ZNF208: variants seen among roughly 807,000 people sequenced by gnomAD.
ZNF208 encodes zinc finger protein 208, also known as zinc finger protein 95.
A neutral mutation model predicts 12.1 loss-of-function variants in ZNF208; 10 were observed. That is an observed-to-expected ratio of 0.83 (90% CI 0.51 to 1.40). The LOEUF is 1.40. Among genes scored for constraint, ZNF208 ranks in the 40% most tolerant of loss-of-function variants. The pLI is 0.00. For synonymous variants in ZNF208, 497 were observed against 488.4 expected (o/e 1.02, Z -0.23); for missense variants, 1,652 against 1,485.0 (o/e 1.11, Z -1.85).
chr19:21,947,363 G>A (rs1204305370), intron 4 of ZNF208, among the ~76,000 whole-genome samples: 1 of 152,016 alleles, frequency 6.6e-6, no homozygotes, highest in Non-Finnish European at 1.5e-5. Context: ...TTGTTCTGGG[G>A]CATATGCTAT....
chr19:21,973,328 C>G lies in ZNF208; in HGVS notation c.1706G>C (p.Ser569Thr), dbSNP rs769973421. The G allele has an allele frequency of 1.9e-6, 3 of 1,605,154 alleles. No homozygotes were observed. Among genetic ancestry groups the G allele is most frequent in the South Asian group, 2.2e-5 (2 of 90,676 alleles). Residue 569 changes from serine (S) to threonine (T), a missense_variant, in exon 4 of 4, where the codon AGT becomes ACT. Physicochemically the swap from Ser to Thr is moderately conservative, Grantham distance 58. This residue lies in a region of ZNF208 where 1,239 missense variants were observed against 1,086.2 expected (regional missense o/e 1.14). Transcript: ENST00000397126. ...TACAGTATGAATTTTCTTATGATAA[C>G]TAAGGGTTGAGGACCACTTATAGGC... ...GKAYKWSSTL[S>T]YHKKIHTVEK...
intron 4 of ZNF208, among the ~76,000 whole-genome samples, chr19:21,955,031 T>A (rs1207775440): frequency 2.6e-5 from 4 of 152,216 alleles, no homozygotes; most frequent in African/African-American, 9.6e-5. Context: ...GGCCTGGTGG[T>A]GACAAAATCT....
rs1480123242 is a variant in ZNF208, at chr19:21,972,345, C to G, written c.2689G>C (p.Gly897Arg). ...GTAAGGATGGAGAACATACTAAAACCTTTGCCACATTCTTCACATTTGTAG... is the reference window on the plus strand; with the variant it reads ...GTAAGGATGGAGAACATACTAAAACGTTTGCCACATTCTTCACATTTGTAG... ...KPYKCEECGK[G>R]FSMFSILTKH... Residue 897 changes from glycine (G) to arginine (R), a missense_variant, in exon 4 of 4, where the codon GGT becomes CGT. Coordinates refer to ENST00000397126, the MANE Select transcript of ZNF208 (RefSeq NM_007153.3). 6.2e-7 allele frequency: 1 copy of G among 1,612,534 alleles called. No individual in the cohort carries two copies. Among genetic ancestry groups the G allele is most frequent in the Non-Finnish European group, 8.5e-7 (1 of 1,179,226 alleles).
chr19:21,972,292 C>G lies in ZNF208; in HGVS notation c.2742G>C (p.Glu914Asp), dbSNP rs764137023. Residue 914 changes from glutamate (E) to aspartate (D), a missense_variant, in exon 4 of 4, where the codon GAG becomes GAC. Coordinates refer to ENST00000397126, the MANE Select transcript of ZNF208 (RefSeq NM_007153.3). The part of the protein sequence containing the change: ...LTKHEVIHTG[E>D]KPYKCEECGK... ...CACATTCTTCACATTTGTAGGGTTTCTCTCCAGTATGAATTACCTCATGTT... is the reference window on the plus strand; with the variant it reads ...CACATTCTTCACATTTGTAGGGTTTGTCTCCAGTATGAATTACCTCATGTT... 6.2e-7 allele frequency: 1 copy of G among 1,613,692 alleles called. No individual in the cohort carries two copies. The highest frequency in any genetic ancestry group is 1.1e-5 in the South Asian group (1 of 91,010).
At position 21,988,763 on chromosome 19, in the gene ZNF208, C is replaced by A. The variant is rs201635385; in HGVS notation, c.130+20G>T. 1.3e-5 allele frequency: 21 copies of A among 1,602,084 alleles called. 1 individual carries two copies. The East Asian group carries it at 4.1e-4, about 31-fold the overall frequency. ...AACCTGTAGTGTATACTAGGAATTG[C>A]GTATTAAAGTTATTCTCACCCAGGA... On this transcript the variant is annotated intron_variant, in intron 2 of 3. Transcript: ENST00000397126.
chr19:21,977,131 T>C (rs780416501), intron 3 of ZNF208, among the ~76,000 whole-genome samples: 17 of 152,184 alleles, frequency 1.1e-4, no homozygotes, highest in Non-Finnish European at 2.2e-4. Context: ...TGTGAAAACG[T>C]TGAATACGTG....
At chr19:21,950,131 T>C (rs1969868217) in intron 4 of ZNF208, among the ~76,000 whole-genome samples, 1 of 152,212 alleles carries the variant, frequency 6.6e-6, no homozygotes, top group South Asian at 2.1e-4. Context: ...ATTTTTAAAG[T>C]GTACTCAACT....
At chr19:21,996,413 GTTTAA>G (rs1970836551) in intron 1 of ZNF208, among the ~76,000 whole-genome samples, 2 of 152,106 alleles carry the variant, frequency 1.3e-5, no homozygotes, top group Admixed American at 6.5e-5. Context: ...AGAATTATTA[GTTTAA>G]TTTATAGCTA....
chr19:21,980,003 G>A (rs1244046758), intron 3 of ZNF208, among the ~76,000 whole-genome samples: 3 of 151,776 alleles, frequency 2.0e-5, no homozygotes, highest in Non-Finnish European at 2.9e-5. Flanking sequence ...ATGGTAAAGG[G>A]ATCAATGCAA....
At chr19:21,994,994 C>T (rs1367032801) in intron 1 of ZNF208, among the ~76,000 whole-genome samples, 11 of 149,974 alleles carry the variant, frequency 7.3e-5, no homozygotes, top group South Asian at 2.1e-4. Flanking sequence ...CTTTGTTGCC[C>T]GGGCTGTGGT....
chr19:21,964,380 C>T (rs1272949644), downstream of ZNF208, among the ~76,000 whole-genome samples: 1 of 151,586 alleles, frequency 6.6e-6, no homozygotes, highest in African/African-American at 2.4e-5. Flanking sequence ...AAGACAGACT[C>T]TAAAGCAACT....
At chr19:21,994,129 T>C (rs1970787684) in intron 1 of ZNF208, among the ~76,000 whole-genome samples, 2 of 152,186 alleles carry the variant, frequency 1.3e-5, no homozygotes, top group Non-Finnish European at 2.9e-5. Context: ...ATGAAAGGGA[T>C]ACAGATGGAA....
chr19:21,960,014 G>A (rs1970038809), intron 4 of ZNF208, among the ~76,000 whole-genome samples: 1 of 151,944 alleles, frequency 6.6e-6, no homozygotes, highest in Non-Finnish European at 1.5e-5. Flanking sequence ...TAGCTTTTCT[G>A]GTAATACAGC....
chr19:21,960,906 C>T (rs1970055913), intron 4 of ZNF208, among the ~76,000 whole-genome samples: 1 of 152,156 alleles, frequency 6.6e-6, no homozygotes, highest in Non-Finnish European at 1.5e-5. Flanking sequence ...AAGAAAGCAA[C>T]CCTATTCAGT....
chr19:21,957,193 C>G (rs547881978), intron 4 of ZNF208, among the ~76,000 whole-genome samples: 7 of 152,242 alleles, frequency 4.6e-5, no homozygotes, highest in African/African-American at 1.7e-4. Context: ...GCATGCACCA[C>G]CATGGCCAGC....
chr19:21,946,194 T>C (rs1969813530), intron 4 of ZNF208, among the ~76,000 whole-genome samples: 1 of 152,204 alleles, frequency 6.6e-6, no homozygotes, highest in African/African-American at 2.4e-5. Flanking sequence ...GAGTCTGGTA[T>C]TTATAAATTA....
At position 22,005,218 on chromosome 19, in the gene ZNF208, G is replaced by A. The variant is rs192630003; in HGVS notation, c.3+5574C>T. On this transcript the variant is annotated intron_variant, in intron 1 of 3. Coordinates refer to ENST00000397126, the MANE Select transcript of ZNF208 (RefSeq NM_007153.3). ...TCCTGAGGGTGGTGCCTTGTCCAGAGAGGAGTGTGGACACATCAATGTCAA... is the reference window on the plus strand; with the variant it reads ...TCCTGAGGGTGGTGCCTTGTCCAGAAAGGAGTGTGGACACATCAATGTCAA... Among the ~76,000 whole-genome samples the A allele has an allele frequency of 1.4e-4, 21 of 152,320 alleles. No homozygotes were observed. The East Asian group carries it at 3.3e-3, about 24-fold the overall frequency.
chr19:21,942,474 C>T (rs1215311368), intron 4 of ZNF208, among the ~76,000 whole-genome samples: 1 of 152,124 alleles, frequency 6.6e-6, no homozygotes, highest in Non-Finnish European at 1.5e-5. Context: ...AAACAAATCT[C>T]TTCTTGCTAA....
intron 4 of ZNF208, among the ~76,000 whole-genome samples, chr19:21,956,102 C>T (rs1969971488): frequency 6.6e-6 from 1 of 152,348 alleles, no homozygotes; most frequent in South Asian, 2.1e-4. Flanking sequence ...TGGAGGTCCA[C>T]TCCAGACCCT....
Sources: allele counts gnomAD v4.1 joint callset (sites outside exome capture counted in the v4.1 genomes callset), GRCh38; gene constraint gnomAD v4.1.1; regional missense constraint gnomAD v4.1.1; transcripts MANE v1.5; gene names NCBI Gene and HGNC (gene_info 2026-07-23, HGNC 2026-07-21).